The following ITGA11 variants were observed in gnomAD, a reference collection of about 807,000 sequenced individuals.
ITGA11 encodes the protein integrin subunit alpha 11, also known as integrin alpha-11.
ITGA11 carries 97 observed loss-of-function variants against 141.9 expected under a neutral mutation model. The observed-to-expected ratio is 0.68, with a 90% confidence interval of 0.58 to 0.81. The LOEUF (loss-of-function observed/expected upper bound fraction) is 0.81. Among genes scored for constraint, ITGA11 ranks in the 30% least tolerant of loss-of-function variants. ITGA11 has a pLI of 0.00. For synonymous variants in ITGA11, 658 were observed against 624.6 expected (o/e 1.05, Z -0.80); for missense variants, 1,387 against 1,559.2 (o/e 0.89, Z 1.86).
chr15:68,351,475 G>A (rs1031006952), intron 7 of ITGA11, 73 bp from the exon 8 acceptor site: 15 of 1,531,916 alleles, frequency 9.8e-6, no homozygotes, highest in Non-Finnish European at 1.3e-5. Flanking sequence ...CTCCTGCAGA[G>A]GGGCAGCCAC....
At position 68,328,188 on chromosome 15, in the gene ITGA11, C is replaced by G. The variant is rs546901137; in HGVS notation, c.1976G>C (p.Cys659Ser). 6.2e-7 allele frequency: 1 copy of G among 1,613,862 alleles called. No homozygotes were observed. The highest frequency in any genetic ancestry group is 2.2e-5 in the East Asian group (1 of 44,872). Residue 659 changes from cysteine (C) to serine (S), a missense_variant, in exon 16 of 30, where the codon TGC becomes TCC. Transcript: ENST00000315757. The surrounding 1 kb of genome is among the most constrained non-coding windows in gnomAD (Gnocchi z 4.8). ...GGTGGCATCCCTGCCACTGCGCTTG[C>G]AGTCTCTGTGGAAGATGTTGATCTT... ...PSKINIFHRD[C>S]KRSGRDATCL...
At chr15:68,369,651 TG>T (rs543399692) in intron 2 of ITGA11, among the ~76,000 whole-genome samples, 31 of 152,154 alleles carry the variant, frequency 2.0e-4, no homozygotes, top group Non-Finnish European at 3.2e-4. Context: ...AGAGTGGTAA[TG>T]GAAGTCATTC....
intron 15 of ITGA11, among the ~76,000 whole-genome samples, chr15:68,329,510 C>T (rs1014858341): frequency 6.6e-6 from 1 of 152,232 alleles, no homozygotes; most frequent in Admixed American, 6.5e-5. Context: ...TTAGGTAGCA[C>T]ATAGGTGTAG....
chr15:68,318,059 T>C (rs1034748827), intron 20 of ITGA11, among the ~76,000 whole-genome samples: 3 of 152,034 alleles, frequency 2.0e-5, no homozygotes, highest in Admixed American at 1.3e-4. Flanking sequence ...CTGAGAGGGG[T>C]GCTTTCTCTA....
At chr15:68,431,366 G>C (rs1373148078) in intron 1 of ITGA11, among the ~76,000 whole-genome samples, 2 of 152,234 alleles carry the variant, frequency 1.3e-5, no homozygotes, top group African/African-American at 4.8e-5. Flanking sequence ...CCCTACCCCG[G>C]GTGTCAGGTA....
At chr15:68,359,225 T>TTTTA (rs368198562) in intron 5 of ITGA11, among the ~76,000 whole-genome samples, 2,916 of 152,264 alleles carry the variant, frequency 0.019, 111 homozygotes, top group African/African-American at 0.066. Flanking sequence ...TGGTTTCACT[T>TTTTA]TTTATTTATT....
At chr15:68,319,307 G>A (rs1417656696) in intron 20 of ITGA11, among the ~76,000 whole-genome samples, 3 of 152,226 alleles carry the variant, frequency 2.0e-5, no homozygotes. Flanking sequence ...CACCACTACT[G>A]CTATGTCTGA....
chr15:68,331,203 G>C, intron 14 of ITGA11, 92 bp from the exon 15 acceptor site: 1 of 1,240,496 alleles, frequency 8.1e-7, no homozygotes, highest in South Asian at 1.3e-5. Flanking sequence ...GGAACAATAG[G>C]GAGCCTGTGT....
chr15:68,347,236 T>G (rs1894769267), intron 10 of ITGA11, among the ~76,000 whole-genome samples: 1 of 152,196 alleles, frequency 6.6e-6, no homozygotes, highest in Non-Finnish European at 1.5e-5. Context: ...CTCTTTACCC[T>G]CAGACTCTGA....
Position 68,331,103 on chromosome 15 carries a change from T to C in ITGA11, c.1779A>G (p.Thr593=), listed in dbSNP as rs1894142135. 3 of 1,593,862 alleles carry C rather than the reference T, an allele frequency of 1.9e-6. No individual in the cohort carries two copies. The highest frequency in any genetic ancestry group is 2.6e-6 in the Non-Finnish European group (3 of 1,170,824). ...SILKTPKQRI[T]ASELATGLQY... Reference sequence around the variant, plus strand: ...GGAGGCCGGTAGCCAGCTCTGAGGCTGTGATTCTCTGCAGGGCGCGGGAAG... The same window carrying C: ...GGAGGCCGGTAGCCAGCTCTGAGGCCGTGATTCTCTGCAGGGCGCGGGAAG... The change falls in exon 15 of 30, where the codon ACA becomes ACG. Residue 593 remains threonine (T), a synonymous_variant. Coordinates refer to ENST00000315757, the MANE Select transcript of ITGA11 (RefSeq NM_001004439.2).
intron 2 of ITGA11, among the ~76,000 whole-genome samples, chr15:68,370,835 G>A (rs4776399): frequency 0.77 from 117,393 of 152,100 alleles, 45,623 homozygotes; most frequent in East Asian, 0.88. Flanking sequence ...GCCACCACAT[G>A]CCAGCGGAGT....
At chr15:68,357,369 T>G (rs549444897) in intron 6 of ITGA11, 70 bp from the exon 7 acceptor site, 1 of 1,540,832 alleles carries the variant, frequency 6.5e-7, no homozygotes, top group South Asian at 1.3e-5. Context: ...AATTTGAGAG[T>G]GAGGATCCCC....
intron 2 of ITGA11, among the ~76,000 whole-genome samples, chr15:68,386,085 C>T (rs995809630): frequency 6.6e-6 from 1 of 152,168 alleles, no homozygotes; most frequent in Admixed American, 6.5e-5. Context: ...GGGCTCTCCC[C>T]TCTGCCTGGA....
chr15:68,305,827 G>A lies in ITGA11; in HGVS notation c.3381+1521C>T, dbSNP rs1381172790. 2.0e-5 allele frequency among the ~76,000 whole-genome samples: 3 copies of A among 152,098 alleles called. No individual in the cohort carries two copies. Among genetic ancestry groups the A allele is most frequent in the African/African-American group, 7.2e-5 (3 of 41,398 alleles). On this transcript the variant is annotated intron_variant, in intron 28 of 29. Coordinates refer to ENST00000315757, the MANE Select transcript of ITGA11 (RefSeq NM_001004439.2). The surrounding 1 kb of genome is among the most constrained non-coding windows in gnomAD (Gnocchi z 4.6). ...GGGCACCTGGCTCTGCCTCCCCAGC[G>A]CCAGCACCTAGCACACAGCCCAGCA... is the stretch of plus-strand genomic sequence containing the variant.
At chr15:68,378,970 G>C (rs553972976) in intron 2 of ITGA11, among the ~76,000 whole-genome samples, 1 of 152,202 alleles carries the variant, frequency 6.6e-6, no homozygotes, top group Non-Finnish European at 1.5e-5. Context: ...AAGAGTGAGG[G>C]AAGGTGACTG....
intron 2 of ITGA11, among the ~76,000 whole-genome samples, chr15:68,386,412 C>G (rs1165226010): frequency 6.6e-6 from 1 of 152,198 alleles, no homozygotes; most frequent in African/African-American, 2.4e-5. Context: ...TCTGGCCACA[C>G]AGTGCAGAGT....
At chr15:68,313,391 G>A (rs1893459266) in intron 23 of ITGA11, among the ~76,000 whole-genome samples, 2 of 152,200 alleles carry the variant, frequency 1.3e-5, no homozygotes, top group African/African-American at 2.4e-5. Context: ...TTGTTTAGAT[G>A]TGCTGGCATA....
rs927590468 is a variant in ITGA11, at chr15:68,296,691, T to C, written c.*6368A>G. ...TTCTCTGTCATGTAATAGTTGTAGCTTATTTACTTTAAATATGGTACTTTT... is the reference window on the plus strand; with the variant it reads ...TTCTCTGTCATGTAATAGTTGTAGCCTATTTACTTTAAATATGGTACTTTT... On this transcript the variant is annotated 3_prime_UTR_variant, in exon 30 of 30. Transcript: ENST00000315757. 3 of 152,196 alleles carry C rather than the reference T, an allele frequency of 2.0e-5. No homozygotes were observed. Among genetic ancestry groups the C allele is most frequent in the African/African-American group, 7.2e-5 (3 of 41,450 alleles). 9.4% of individuals were successfully genotyped at this position (152,196 alleles called of 1,614,324 possible). A position where few individuals can be genotyped will look rare whatever the true frequency, so the allele number is the denominator to read the frequency against.
In ITGA11 at chr15:68,326,998, G is replaced by A. The variant is rs1893995989; in HGVS notation, c.2069-202C>T. Among the ~76,000 whole-genome samples the A allele has an allele frequency of 6.6e-6, 1 of 152,170 alleles. No homozygotes were observed. Among genetic ancestry groups the A allele is most frequent in the African/African-American group, 2.4e-5 (1 of 41,446 alleles). On this transcript the variant is annotated intron_variant, in intron 16 of 29. Coordinates refer to ENST00000315757, the MANE Select transcript of ITGA11 (RefSeq NM_001004439.2). The surrounding 1 kb of genome is among the most constrained non-coding windows in gnomAD (Gnocchi z 6.8). ...TAAAGGAAGGAACCAAAGAAAAGGG[G>A]GAGGAAGAGGGTGGAGAAAGAGCAG... is the stretch of plus-strand genomic sequence containing the variant.
Sources: gnomAD v4.1 joint callset for allele counts (sites outside exome capture counted in the v4.1 genomes callset) on GRCh38, gnomAD v4.1.1 for gene constraint, Gnocchi (gnomAD v3.1) non-coding constraint, MANE v1.5 for transcripts, NCBI Gene and HGNC (gene_info 2026-07-23, HGNC 2026-07-21) for gene names.